Variants in RORA observed in about 807,000 individuals in gnomAD.
RORA encodes nuclear receptor ROR-alpha.
A neutral mutation model predicts 69.5 loss-of-function variants in RORA; 7 were observed. That is an observed-to-expected ratio of 0.10 (90% CI 0.06 to 0.19). The LOEUF (loss-of-function observed/expected upper bound fraction) is 0.19, where lower values mean the gene tolerates loss of function less well. RORA is among the 10% of genes least tolerant of loss of function. The pLI, the probability that RORA is intolerant of heterozygous loss-of-function variation, is 1.00. For synonymous variants in RORA, 261 were observed against 240.8 expected, an observed-to-expected ratio of 1.08 and a Z score of -0.78; for missense variants, 457 against 663.0, an observed-to-expected ratio of 0.69 and a Z score of 3.41.
intron 1 of RORA, among the ~76,000 whole-genome samples, chr15:60,841,320 GAGAA>G (rs1455346403): frequency 6.6e-6 from 1 of 152,206 alleles, no homozygotes; most frequent in Non-Finnish European, 1.5e-5. Flanking sequence ...TGCTACCAAA[GAGAA>G]AGAGAGAGGA....
At chr15:60,650,299 T>C (rs1049815093) in intron 2 of RORA, among the ~76,000 whole-genome samples, 3 of 152,166 alleles carry the variant, frequency 2.0e-5, no homozygotes, top group African/African-American at 4.8e-5. Context: ...GCTTTCTCTA[T>C]TGAAGTTGTT....
chr15:60,947,253 G>A (rs1166374966), intron 1 of RORA, among the ~76,000 whole-genome samples: 4 of 152,242 alleles, frequency 2.6e-5, no homozygotes, highest in Non-Finnish European at 5.9e-5. Context: ...GAATAGAAAA[G>A]GGGGAAATGT....
intron 1 of RORA, among the ~76,000 whole-genome samples, chr15:61,157,580 G>T (rs2079455783): frequency 6.6e-6 from 1 of 152,152 alleles, no homozygotes; most frequent in African/African-American, 2.4e-5. Flanking sequence ...CAGGAGCCAA[G>T]ATTTAAGGGA....
chr15:60,568,313 A>G (rs1457142830), intron 2 of RORA, among the ~76,000 whole-genome samples: 1 of 152,236 alleles, frequency 6.6e-6, no homozygotes, highest in Non-Finnish European at 1.5e-5. Flanking sequence ...TCCTGAGGGT[A>G]GTGATGCCAA....
At chr15:61,025,856 T>C (rs10519104) in intron 1 of RORA, among the ~76,000 whole-genome samples, 13,656 of 152,286 alleles carry the variant, frequency 0.09, 661 homozygotes, top group African/African-American at 0.12. Context: ...TAATTTGCCA[T>C]GCCTACATTC....
intron 1 of RORA, among the ~76,000 whole-genome samples, chr15:60,903,060 A>G (rs187523641): frequency 6.6e-6 from 1 of 152,336 alleles, no homozygotes; most frequent in Non-Finnish European, 1.5e-5. Context: ...CTCTCTGTAT[A>G]TGGGACACTA....
chr15:61,075,763 T>C lies in RORA; in HGVS notation c.166+153290A>G, dbSNP rs75466290. Among the ~76,000 whole-genome samples the C allele has an allele frequency of 2.7e-3, 409 of 152,304 alleles. 1 individual carries two copies. Among genetic ancestry groups the C allele is most frequent in the Middle Eastern group, 0.014 (4 of 294 alleles). On this transcript the variant is annotated intron_variant, in intron 1 of 10. Coordinates refer to ENST00000335670, the MANE Select transcript of RORA (RefSeq NM_134261.3). ...TCCATGTCTAAACCTCCTCGCGTTA[T>C]ACCACAGCTGCTTAGATTTTGAGCA...
At chr15:60,503,859 G>C (rs1292118112) in intron 6 of RORA, among the ~76,000 whole-genome samples, 192 bp from the exon 7 acceptor site, 1 of 152,200 alleles carries the variant, frequency 6.6e-6, no homozygotes, top group Non-Finnish European at 1.5e-5. Context: ...CTGGAGTGCA[G>C]TGGAACAATC....
At chr15:61,198,357 G>C (rs1458857900) in intron 1 of RORA, among the ~76,000 whole-genome samples, 2 of 152,034 alleles carry the variant, frequency 1.3e-5, no homozygotes, top group African/African-American at 4.8e-5. Flanking sequence ...CTAGATCTAG[G>C]AGACTTGAGT....
chr15:60,840,868 C>T (rs748590282), intron 1 of RORA, among the ~76,000 whole-genome samples: 2 of 152,170 alleles, frequency 1.3e-5, no homozygotes, highest in Non-Finnish European at 2.9e-5. Flanking sequence ...GAAGCCTGAC[C>T]AGCTGGAGCC....
intron 2 of RORA, among the ~76,000 whole-genome samples, chr15:60,667,510 A>G (rs1187605888): frequency 6.6e-6 from 1 of 152,216 alleles, no homozygotes; most frequent in Non-Finnish European, 1.5e-5. Flanking sequence ...AGTTAAGGTT[A>G]TGGTGTGGAC....
At chr15:60,631,455 C>G (rs1442658544) in intron 2 of RORA, among the ~76,000 whole-genome samples, 1 of 152,190 alleles carries the variant, frequency 6.6e-6, no homozygotes, top group Non-Finnish European at 1.5e-5. Context: ...CTGCCAATCT[C>G]CAGCTCATAT....
intron 1 of RORA, among the ~76,000 whole-genome samples, chr15:60,851,843 G>A (rs761826655): frequency 1.4e-4 from 22 of 151,750 alleles, no homozygotes; most frequent in Non-Finnish European, 2.5e-4. Flanking sequence ...CTCTACCAAT[G>A]ACGTAAGTTC....
chr15:61,133,827 C>T (rs575629233), intron 1 of RORA, among the ~76,000 whole-genome samples: 25 of 152,288 alleles, frequency 1.6e-4, no homozygotes, highest in African/African-American at 5.5e-4. Context: ...CCTTTTCTAA[C>T]GCCTACCCTT....
chr15:60,629,978 A>T (rs111853773), intron 2 of RORA, among the ~76,000 whole-genome samples: 35 of 152,346 alleles, frequency 2.3e-4, no homozygotes, highest in African/African-American at 8.4e-4. Context: ...GCCCAAGAAG[A>T]AAAAGGGAAC....
intron 1 of RORA, among the ~76,000 whole-genome samples, chr15:61,221,884 C>CAGTA (rs536614647): frequency 2.5e-4 from 38 of 150,170 alleles, no homozygotes; most frequent in Non-Finnish European, 5.2e-4. Context: ...AAGCCAGGTG[C>CAGTA]AGTAGTACAT....
intron 1 of RORA, among the ~76,000 whole-genome samples, chr15:61,014,351 G>A (rs567866565): frequency 6.6e-6 from 1 of 152,364 alleles, no homozygotes; most frequent in East Asian, 1.9e-4. Flanking sequence ...GGCTGCGGAT[G>A]TGGCTTCCTC....
At chr15:60,987,363 C>A (rs1445039157) in intron 1 of RORA, among the ~76,000 whole-genome samples, 3 of 152,162 alleles carry the variant, frequency 2.0e-5, no homozygotes, top group Non-Finnish European at 2.9e-5. Context: ...CAAAGCTCAA[C>A]TCAAATCCTA....
At chr15:61,020,453 G>T (rs1372809756) in intron 1 of RORA, among the ~76,000 whole-genome samples, 1 of 152,202 alleles carries the variant, frequency 6.6e-6, no homozygotes, top group Non-Finnish European at 1.5e-5. Flanking sequence ...TTTGGGCAGT[G>T]ACTCAATACT....
Sources: gnomAD v4.1 joint callset for allele counts (sites outside exome capture counted in the v4.1 genomes callset) on GRCh38, gnomAD v4.1.1 for gene constraint, MANE v1.5 for transcripts, NCBI Gene and HGNC (gene_info 2026-07-23, HGNC 2026-07-21) for gene names.